Variants in SHMT1 observed in about 807,000 individuals in gnomAD.
The protein encoded by SHMT1 is serine hydroxymethyltransferase 1, also known as serine hydroxymethyltransferase, cytosolic.
In SHMT1, 45 loss-of-function variants were observed where a neutral mutation model predicts 49.0. The ratio of observed to expected loss-of-function variants is 0.92; its 90% CI spans 0.72 to 1.18. SHMT1 has a LOEUF of 1.18. Ranked by LOEUF, SHMT1 falls within the 50% of genes most tolerant of loss-of-function variation. The pLI is 0.00. For missense variants in SHMT1, 541 were observed against 612.4 expected (o/e 0.88, Z 1.23); for synonymous variants, 232 against 246.6 (o/e 0.94, Z 0.55).
Position 18,357,142 on chromosome 17 carries a change from G to A in SHMT1, c.-19-1142C>T, listed in dbSNP as rs887671953. Reference sequence around the variant, plus strand: ...TAAAAATACAAAAAATGAGCTGGACGTTGTGGCACATGCCTGTAGTCCCAG... The same window carrying A: ...TAAAAATACAAAAAATGAGCTGGACATTGTGGCACATGCCTGTAGTCCCAG... On this transcript the variant is annotated intron_variant, in intron 1 of 11. Transcript: ENST00000316694. Among the ~76,000 whole-genome samples, 8 of 151,938 alleles carry A rather than the reference G, an allele frequency of 5.3e-5. No individual in the cohort carries two copies. In the South Asian group the frequency reaches 6.2e-4, roughly 12 times the overall value.
chr17:18,332,062 C>T (rs964462962), intron 9 of SHMT1: 2 of 152,394 alleles, frequency 1.3e-5, no homozygotes, highest in East Asian at 1.9e-4. Context: ...TGGCAATGCT[C>T]TCGGCCCAGC....
At chr17:18,360,520 A>C (rs1490407624) in intron 1 of SHMT1, 5 of 151,286 alleles carry the variant, frequency 3.3e-5, no homozygotes, top group Admixed American at 6.6e-5. Context: ...AGATTTTCCC[A>C]CAGCACTCCA....
At chr17:18,355,784 A>C (rs1050183798) in intron 2 of SHMT1, 102 bp downstream of exon 2, 3 of 762,150 alleles carry the variant, frequency 3.9e-6, no homozygotes, top group Admixed American at 2.0e-5. Flanking sequence ...CAGCAGGATA[A>C]TACTCATTTC....
chr17:18,344,487 T>C (rs896240180), intron 5 of SHMT1, among the ~76,000 whole-genome samples: 1 of 142,338 alleles, frequency 7.0e-6, no homozygotes, highest in African/African-American at 2.7e-5. Flanking sequence ...GGCAACATAG[T>C]GAGATCTTGT....
At chr17:18,345,618 G>A (rs533965132) in intron 5 of SHMT1, among the ~76,000 whole-genome samples, 3 of 151,068 alleles carry the variant, frequency 2.0e-5, no homozygotes, top group Admixed American at 6.6e-5. Context: ...CTCATGATCC[G>A]CCTGCCTCAG....
chr17:18,355,030 A>C (rs1365584962), intron 2 of SHMT1, among the ~76,000 whole-genome samples: 2 of 93,880 alleles, frequency 2.1e-5, no homozygotes, highest in Admixed American at 1.3e-4. Flanking sequence ...CAGCCTGAGC[A>C]ACAGAGCAAG....
At position 18,340,021 on chromosome 17, in the gene SHMT1, T is replaced by C. The variant is rs1386326322; in HGVS notation, c.814+22A>G. The C allele has an allele frequency of 6.2e-7, 1 of 1,609,810 alleles. No homozygotes were observed. Among genetic ancestry groups the C allele is most frequent in the African/African-American group, 1.3e-5 (1 of 75,028 alleles). On this transcript the variant is annotated intron_variant, in intron 7 of 11. Transcript: ENST00000316694. This position sits in a 1 kb window ranked among gnomAD's most constrained non-coding sequence, Gnocchi z 4.5. ...AAATGTAAACCATGGTACCCATCTG[T>C]ACCCAACATTCGGGAGCTCACCTTT... is the stretch of plus-strand genomic sequence containing the variant.
At chr17:18,355,304 A>T (rs551819684) in intron 2 of SHMT1, among the ~76,000 whole-genome samples, 5 of 150,596 alleles carry the variant, frequency 3.3e-5, no homozygotes, top group Admixed American at 6.7e-5. Context: ...CAGGAGGTGG[A>T]ACTTGCAGTG....
chr17:18,335,685 GA>G lies in SHMT1; in HGVS notation c.815-11del. On this transcript the variant is annotated splice_polypyrimidine_tract_variant and intron_variant, in intron 7 of 11. Transcript: ENST00000316694. ...TCCACACTTTTCACTCCTGGAGGAA[GA>G]AAAACATCACAGTGGGATCATAGGG... The G allele has an allele frequency of 2.5e-6, 4 of 1,580,698 alleles. No homozygotes were observed. Among genetic ancestry groups the G allele is most frequent in the Non-Finnish European group, 3.5e-6 (4 of 1,149,488 alleles).
intron 1 of SHMT1, among the ~76,000 whole-genome samples, chr17:18,362,776 T>G (rs1986892705): frequency 6.6e-6 from 1 of 152,130 alleles, no homozygotes; most frequent in African/African-American, 2.4e-5. Flanking sequence ...GGCCAAGAAC[T>G]TCACAGTGCA....
chr17:18,332,171 TCA>T (rs1020797008), intron 9 of SHMT1: 5 of 152,258 alleles, frequency 3.3e-5, no homozygotes, highest in Admixed American at 6.5e-5. Context: ...ACCCTGAAGT[TCA>T]CAGTCTGCAC....
At chr17:18,350,736 CTTT>C (rs994540614) in intron 3 of SHMT1, among the ~76,000 whole-genome samples, 2 of 145,010 alleles carry the variant, frequency 1.4e-5, no homozygotes, top group Non-Finnish European at 3.0e-5. Context: ...ACACTGTTTT[CTTT>C]TTTTTTTTTC....
chr17:18,339,900 G>A, intron 7 of SHMT1, 143 bp downstream of exon 7: 1 of 862,176 alleles, frequency 1.2e-6, no homozygotes, highest in Non-Finnish European at 1.9e-6. Context: ...TCCTTCCTAA[G>A]CAGCTCTTTA....
intron 5 of SHMT1, among the ~76,000 whole-genome samples, chr17:18,343,192 TATA>T (rs1347922619): frequency 6.6e-6 from 1 of 152,164 alleles, no homozygotes; most frequent in Non-Finnish European, 1.5e-5. Context: ...CATAATTATA[TATA>T]ATTTGTTTAA....
intron 3 of SHMT1, among the ~76,000 whole-genome samples, chr17:18,351,881 G>A (rs538978018): frequency 7.9e-5 from 12 of 152,100 alleles, no homozygotes; most frequent in Middle Eastern, 6.8e-3. Context: ...GTCTCATTCT[G>A]TCACCCCAGC....
In SHMT1 at chr17:18,328,874, G is replaced by C. The variant is rs1335195719; in HGVS notation, c.1328C>G (p.Ala443Gly). The C allele has an allele frequency of 5.0e-6, 8 of 1,613,934 alleles. No individual in the cohort carries two copies. The highest frequency in any genetic ancestry group is 6.8e-6 in the Non-Finnish European group (8 of 1,180,024). ...TCTCTCCTTGAACTCTTTCAGGGTG[G>C]CTCTGACACCAGTGTCGCTCTGGAT... Reference protein sequence around the residue: ...LQIQSDTGVRATLKEFKERLA... With the variant: ...LQIQSDTGVRGTLKEFKERLA... The change falls in exon 12 of 12, where the codon GCC (alanine) becomes GGC (glycine). Residue 443 changes from alanine to glycine, a missense_variant. Coordinates refer to ENST00000316694, the MANE Select transcript of SHMT1 (RefSeq NM_004169.5).
At chr17:18,344,680 CAA>C (rs1381411541) in intron 5 of SHMT1, among the ~76,000 whole-genome samples, 27 of 146,476 alleles carry the variant, frequency 1.8e-4, no homozygotes, top group Non-Finnish European at 1.3e-4. Flanking sequence ...GAAAATGAGA[CAA>C]GAGAACAACT....
chr17:18,355,013 T>C (rs1435657620), intron 2 of SHMT1, among the ~76,000 whole-genome samples: 33 of 116,688 alleles, frequency 2.8e-4, no homozygotes, highest in African/African-American at 1.1e-3. Flanking sequence ...ATCGCGTCAC[T>C]GCACTCCAGC....
intron 2 of SHMT1, among the ~76,000 whole-genome samples, chr17:18,354,309 C>T (rs1245906600): frequency 6.6e-6 from 1 of 152,164 alleles, no homozygotes; most frequent in Admixed American, 6.6e-5. Context: ...ATCCCAGCTA[C>T]TCGGGAGGCT....
Sources: allele counts gnomAD v4.1 joint callset (sites outside exome capture counted in the v4.1 genomes callset), GRCh38; gene constraint gnomAD v4.1.1; non-coding constraint Gnocchi (gnomAD v3.1); transcripts MANE v1.5; gene names NCBI Gene and HGNC (gene_info 2026-07-23, HGNC 2026-07-21).